The following TBC1D1 variants were observed in gnomAD, a reference collection of about 807,000 sequenced individuals.
TBC1D1 encodes the protein TBC1 (tre-2/USP6, BUB2, cdc16) domain family, member 1.
TBC1D1 carries 89 observed loss-of-function variants against 125.6 expected under a neutral mutation model. That is an observed-to-expected ratio of 0.71 (90% CI 0.60 to 0.85). The LOEUF (loss-of-function observed/expected upper bound fraction) is 0.85. Ranked by LOEUF, TBC1D1 falls within the 40% of genes least tolerant of loss-of-function variation. The pLI is 0.00. For missense variants in TBC1D1, 1,377 were observed against 1,469.2 expected (o/e 0.94, Z 1.03); for synonymous variants, 565 against 564.1 (o/e 1.00, Z -0.02).
At chr4:37,956,624 C>T (rs551831111) in intron 2 of TBC1D1, among the ~76,000 whole-genome samples, 50 of 152,236 alleles carry the variant, frequency 3.3e-4, no homozygotes, top group African/African-American at 8.7e-4. Context: ...TGCTCAGGGA[C>T]GCCAACTAAT....
chr4:38,021,155 C>G (rs113582368), intron 5 of TBC1D1, among the ~76,000 whole-genome samples: 4,629 of 152,304 alleles, frequency 0.03, 215 homozygotes, highest in African/African-American at 0.11. Context: ...AAAGGCACAT[C>G]TTACATGGCA....
At chr4:37,975,946 C>T (rs760840481) in intron 2 of TBC1D1, among the ~76,000 whole-genome samples, 4 of 152,054 alleles carry the variant, frequency 2.6e-5, no homozygotes, top group Non-Finnish European at 5.9e-5. Context: ...GGCTTGCCGC[C>T]CACAATCCCC....
chr4:38,030,306 C>T (rs10018836), intron 7 of TBC1D1: 86,889 of 152,136 alleles, frequency 0.57, 25,887 homozygotes, highest in African/African-American at 0.75. Flanking sequence ...GAGTAGATTA[C>T]GACTAAGGTT....
chr4:38,054,394 G>C lies in TBC1D1; in HGVS notation c.2050+56G>C, dbSNP rs185810315. 7 of 1,606,022 alleles carry C rather than the reference G, an allele frequency of 4.4e-6. No individual in the cohort carries two copies. In the East Asian group the frequency reaches 1.6e-4, roughly 36 times the overall value. ...AGAGAGCACGCTGACAGAGGACCCTGGGAGCCCCATCATATTGGTAAGAAA... is the reference window on the plus strand; with the variant it reads ...AGAGAGCACGCTGACAGAGGACCCTCGGAGCCCCATCATATTGGTAAGAAA... On this transcript the variant is annotated intron_variant, in intron 12 of 19. Coordinates refer to ENST00000261439, the MANE Select transcript of TBC1D1 (RefSeq NM_015173.4).
At chr4:38,079,496 G>T (rs2152522659) in intron 12 of TBC1D1, among the ~76,000 whole-genome samples, 1 of 152,146 alleles carries the variant, frequency 6.6e-6, no homozygotes, top group Non-Finnish European at 1.5e-5. Flanking sequence ...GGCCGAGGCG[G>T]GCAGATCACC....
intron 12 of TBC1D1, among the ~76,000 whole-genome samples, chr4:38,078,627 C>G (rs1756006704): frequency 1.3e-5 from 2 of 152,148 alleles, no homozygotes; most frequent in African/African-American, 4.8e-5. Context: ...CTCTCTTCAC[C>G]CTGTGAGGAT....
At chr4:37,897,420 A>C (rs1280368211) in intron 1 of TBC1D1, among the ~76,000 whole-genome samples, 1 of 152,192 alleles carries the variant, frequency 6.6e-6, no homozygotes, top group East Asian at 1.9e-4. Context: ...GCTATGTTGG[A>C]TGTAGAACTT....
intron 15 of TBC1D1, among the ~76,000 whole-genome samples, chr4:38,108,339 T>G (rs572417982): frequency 3.9e-5 from 6 of 152,150 alleles, no homozygotes; most frequent in Non-Finnish European, 8.8e-5. Flanking sequence ...TCTCCCATGA[T>G]AGGAGGGCTT....
At chr4:38,125,435 C>T (rs1764485840) in intron 18 of TBC1D1, among the ~76,000 whole-genome samples, 1 of 152,076 alleles carries the variant, frequency 6.6e-6, no homozygotes, top group Non-Finnish European at 1.5e-5. Context: ...TCTTCTGAAA[C>T]ATATATATAT....
intron 2 of TBC1D1, among the ~76,000 whole-genome samples, chr4:37,970,949 C>G (rs1008659218): frequency 6.6e-6 from 1 of 152,068 alleles, no homozygotes; most frequent in Admixed American, 6.6e-5. Context: ...TGGCCCCCCC[C>G]ACTAGAGGGC....
chr4:38,075,859 C>T (rs1755507198), intron 12 of TBC1D1, among the ~76,000 whole-genome samples: 1 of 152,186 alleles, frequency 6.6e-6, no homozygotes, highest in Non-Finnish European at 1.5e-5. Flanking sequence ...TGACAGTCAC[C>T]TGTACATGCC....
In TBC1D1 at chr4:38,045,764, T is replaced by C. The variant is rs374593522; in HGVS notation, c.1543-53T>C. 1.6e-4 allele frequency: 214 copies of C among 1,379,206 alleles called. 1 individual carries two copies. In the South Asian group the frequency reaches 2.3e-3, roughly 15 times the overall value. 85.4% of individuals were successfully genotyped at this position (1,379,206 alleles called of 1,614,324 possible). On this transcript the variant is annotated intron_variant, in intron 9 of 19. Coordinates refer to ENST00000261439, the MANE Select transcript of TBC1D1 (RefSeq NM_015173.4). ...AATGGACCAATCTGCTTCTAGCTGA[T>C]GCCTTTGCAAAAGCCTCCAGAGTCA...
intron 2 of TBC1D1, among the ~76,000 whole-genome samples, chr4:37,935,919 G>C (rs958227958): frequency 6.6e-6 from 1 of 152,110 alleles, no homozygotes; most frequent in Non-Finnish European, 1.5e-5. Context: ...CTTCTGACCA[G>C]AGTCTTCTAT....
chr4:38,096,604 A>G (rs1415952450), intron 14 of TBC1D1, among the ~76,000 whole-genome samples: 1 of 152,212 alleles, frequency 6.6e-6, no homozygotes. Flanking sequence ...AGCACACAGC[A>G]TGTGTCTGCT....
At chr4:37,968,293 G>A (rs1578087008) in intron 2 of TBC1D1, among the ~76,000 whole-genome samples, 2 of 152,184 alleles carry the variant, frequency 1.3e-5, no homozygotes. Flanking sequence ...GTCTCCTCTG[G>A]AGTTGCAAGT....
chr4:38,062,442 T>C (rs1306250148), intron 12 of TBC1D1, among the ~76,000 whole-genome samples: 1 of 152,196 alleles, frequency 6.6e-6, no homozygotes, highest in African/African-American at 2.4e-5. Flanking sequence ...TTGTCTTCAG[T>C]TGGCAGAGAC....
chr4:38,023,350 G>A (rs1467560858), intron 6 of TBC1D1, among the ~76,000 whole-genome samples: 3 of 151,876 alleles, frequency 2.0e-5, no homozygotes, highest in African/African-American at 4.8e-5. Flanking sequence ...AAAAACATAT[G>A]TAACACAAAA....
At chr4:38,062,709 C>G (rs533338148) in intron 12 of TBC1D1, among the ~76,000 whole-genome samples, 1 of 149,404 alleles carries the variant, frequency 6.7e-6, no homozygotes, top group South Asian at 2.2e-4. Context: ...GATTTTACCT[C>G]GACTTGCTAT....
chr4:38,089,771 C>T (rs561661843), intron 12 of TBC1D1, among the ~76,000 whole-genome samples, 161 bp from the exon 15 acceptor site: 3 of 152,350 alleles, frequency 2.0e-5, no homozygotes, highest in East Asian at 3.9e-4. Flanking sequence ...GTTTGTGGCT[C>T]AGACGTGGCT....
Sources: gnomAD v4.1 joint callset for allele counts (sites outside exome capture counted in the v4.1 genomes callset) on GRCh38, gnomAD v4.1.1 for gene constraint, MANE v1.5 for transcripts, NCBI Gene and HGNC (gene_info 2026-07-23, HGNC 2026-07-21) for gene names.